MAP3K7: variants seen among roughly 807,000 people sequenced by gnomAD.
MAP3K7 encodes TGF-beta activated kinase 1.
MAP3K7 carries 21 observed loss-of-function variants against 84.8 expected under a neutral mutation model. The observed-to-expected ratio is 0.25, with a 90% confidence interval of 0.18 to 0.36. MAP3K7 has a LOEUF of 0.36. MAP3K7 is among the 10% of genes least tolerant of loss of function. MAP3K7 has a pLI of 1.00. For synonymous variants in MAP3K7, 241 were observed against 247.7 expected, an observed-to-expected ratio of 0.97 and a Z score of 0.25; for missense variants, 503 against 747.7, an observed-to-expected ratio of 0.67 and a Z score of 3.82.
Position 90,516,419 on chromosome 6 carries a change from A to G in MAP3K7, c.*82T>C. On this transcript the variant is annotated 3_prime_UTR_variant, in exon 17 of 17. Transcript: ENST00000369329. Reference sequence around the variant, plus strand: ...AGAACACGCCAAAAAGCTAACACTCATGAATCGTCATTATAAGGTTTTCCT... The same window carrying G: ...AGAACACGCCAAAAAGCTAACACTCGTGAATCGTCATTATAAGGTTTTCCT... 7.0e-7 allele frequency: 1 copy of G among 1,431,546 alleles called. No individual in the cohort carries two copies. Among genetic ancestry groups the G allele is most frequent in the Non-Finnish European group, 9.6e-7 (1 of 1,036,494 alleles). 88.7% of individuals were successfully genotyped at this position (1,431,546 alleles called of 1,614,324 possible).
chr6:90,585,768 T>C (rs923058962), intron 1 of MAP3K7, among the ~76,000 whole-genome samples: 18 of 152,232 alleles, frequency 1.2e-4, no homozygotes, highest in East Asian at 9.6e-4. Context: ...TCTAGTCTAA[T>C]ATTATATTCT....
At chr6:90,535,109 T>C (rs914734198) in intron 13 of MAP3K7, among the ~76,000 whole-genome samples, 2 of 148,924 alleles carry the variant, frequency 1.3e-5, no homozygotes, top group African/African-American at 4.9e-5. Context: ...ATAGATTTTA[T>C]TTATATATGT....
chr6:90,569,475 ACTT>A (rs200850193), intron 2 of MAP3K7, among the ~76,000 whole-genome samples: 9,777 of 140,716 alleles, frequency 0.069, 315 homozygotes, highest in South Asian at 0.098. Context: ...TAGATCTCAA[ACTT>A]CTTTCTTTCT....
At chr6:90,584,300 T>C (rs1036473821) in intron 1 of MAP3K7, among the ~76,000 whole-genome samples, 10 of 152,174 alleles carry the variant, frequency 6.6e-5, no homozygotes, top group African/African-American at 2.2e-4. Context: ...GTTTAATGTA[T>C]GCAAATGAAG....
In MAP3K7 at chr6:90,569,476, CTTCTTTCT is replaced by C. The variant is rs148676852; in HGVS notation, c.232-861_232-854del. ...CACTTCTCTTATTCTAGATCTCAAA[CTTCTTTCT>C]TTCTTTCTTTCTTTTGAGACAGGTT... On this transcript the variant is annotated intron_variant, in intron 2 of 16. Coordinates refer to ENST00000369329, the MANE Select transcript of MAP3K7 (RefSeq NM_145331.3). 8.3e-3 allele frequency among the ~76,000 whole-genome samples: 1,140 copies of C among 137,098 alleles called. 8 individuals are homozygous for C. Among genetic ancestry groups the C allele is most frequent in the Non-Finnish European group, 0.012 (736 of 60,920 alleles). The allele number at this position is 137,098 out of a possible 152,430, so 89.9% of individuals were successfully genotyped here.
At chr6:90,551,093 T>G (rs1443939241) in intron 8 of MAP3K7, 4 of 152,554 alleles carry the variant, frequency 2.6e-5, no homozygotes. Context: ...CTGCAATAAC[T>G]TATATATCCT....
rs763853268 is a variant in MAP3K7, at chr6:90,556,546, G to A, written c.561C>T (p.Thr187=). ...GTACDIQTHM[T]NNKGSAAWMA... ...TCCAAGCAGCACTCCCCTTGTTATT[G>A]GTCATGTGTGTCTGAATGTCACAGG... is the stretch of plus-strand genomic sequence containing the variant. The change falls in exon 6 of 17, where the codon ACC becomes ACT. Residue 187 remains threonine (T), a synonymous_variant. Coordinates refer to ENST00000369329, the MANE Select transcript of MAP3K7 (RefSeq NM_145331.3). 11 of 1,613,362 alleles carry A rather than the reference G, an allele frequency of 6.8e-6. No homozygotes were observed. The highest frequency in any genetic ancestry group is 2.5e-6 in the Non-Finnish European group (3 of 1,179,676).
At position 90,547,693 on chromosome 6, in the gene MAP3K7, A is replaced by T. The variant is rs549258457; in HGVS notation, c.1081-306T>A. ...ATTTTTAAAAATCAACAATGGCAAAAATATAATAAATCTGAACAGCATGAA... is the reference window on the plus strand; with the variant it reads ...ATTTTTAAAAATCAACAATGGCAAATATATAATAAATCTGAACAGCATGAA... On this transcript the variant is annotated intron_variant, in intron 10 of 16. Coordinates refer to ENST00000369329, the MANE Select transcript of MAP3K7 (RefSeq NM_145331.3). 5.3e-5 allele frequency among the ~76,000 whole-genome samples: 8 copies of T among 152,318 alleles called. No homozygotes were observed. In the South Asian group the frequency reaches 1.4e-3, roughly 28 times the overall value.
In MAP3K7 at chr6:90,516,324, T is replaced by A. The variant is rs9451441; in HGVS notation, c.*177A>T. ...ATGTTATGCAATGAAACAGTAAAATTGTATGTCCACCATGAGAAAAGGAAA... is the reference window on the plus strand; with the variant it reads ...ATGTTATGCAATGAAACAGTAAAATAGTATGTCCACCATGAGAAAAGGAAA... On this transcript the variant is annotated 3_prime_UTR_variant, in exon 17 of 17. Coordinates refer to ENST00000369329, the MANE Select transcript of MAP3K7 (RefSeq NM_145331.3). 9.1e-3 allele frequency: 5,862 copies of A among 646,672 alleles called. 46 individuals carry two copies. The highest frequency in any genetic ancestry group is 0.021 in the South Asian group (1,061 of 51,422). The allele number at this position is 646,672 out of a possible 1,614,324, so 40.1% of individuals were successfully genotyped here. A position where few individuals can be genotyped will look rare whatever the true frequency, so the allele number is the denominator to read the frequency against.
Position 90,523,732 on chromosome 6 carries a change from G to T in MAP3K7, c.1408C>A (p.Pro470Thr), listed in dbSNP as rs1003317029. The T allele has an allele frequency of 1.4e-5, 23 of 1,613,258 alleles. No homozygotes were observed. The highest frequency in any genetic ancestry group is 1.7e-5 in the Non-Finnish European group (20 of 1,179,596). Residue 470 changes from proline to threonine, a missense_variant, in exon 14 of 17, where the codon CCA becomes ACA. Transcript: ENST00000369329. ...PSVRMITTSG[P>T]TSEKPTRSHP... ...CTTCGAGTTGGCTTTTCTGAGGTTG[G>T]TCCTGAGGTAGTAATCATTCTGACA...
chr6:90,562,722 G>A (rs1776566955), intron 3 of MAP3K7, among the ~76,000 whole-genome samples: 1 of 152,204 alleles, frequency 6.6e-6, no homozygotes, highest in African/African-American at 2.4e-5. Context: ...TTTGAAGAGA[G>A]CAGTGATTCT....
At chr6:90,578,488 T>G (rs1582243745) in intron 1 of MAP3K7, among the ~76,000 whole-genome samples, 1 of 152,314 alleles carries the variant, frequency 6.6e-6, no homozygotes, top group East Asian at 1.9e-4. Context: ...TTGTCCAGGC[T>G]GGTCTTGAAC....
chr6:90,516,446 T>C lies in MAP3K7; in HGVS notation c.*55A>G. 1 of 1,565,690 alleles carries C rather than the reference T, an allele frequency of 6.4e-7. No homozygotes were observed. The highest frequency in any genetic ancestry group is 8.7e-7 in the Non-Finnish European group (1 of 1,152,068). On this transcript the variant is annotated 3_prime_UTR_variant, in exon 17 of 17. Coordinates refer to ENST00000369329, the MANE Select transcript of MAP3K7 (RefSeq NM_145331.3). ...GAATCGTCATTATAAGGTTTTCCTT[T>C]CCTTAAAAAAAAAGTCTTTCTTTGC...
intron 13 of MAP3K7, among the ~76,000 whole-genome samples, chr6:90,529,138 A>G (rs571109680): frequency 4.6e-5 from 7 of 152,310 alleles, no homozygotes; most frequent in African/African-American, 1.7e-4. Flanking sequence ...TACTGAATCA[A>G]TTCTGAAATT....
intron 1 of MAP3K7, among the ~76,000 whole-genome samples, chr6:90,584,414 AC>A (rs1429250050): frequency 5.3e-5 from 8 of 152,314 alleles, no homozygotes; most frequent in Admixed American, 3.3e-4. Flanking sequence ...AATAAAACAA[AC>A]AAAAAACCCA....
At position 90,569,135 on chromosome 6, in the gene MAP3K7, T is replaced by C. The variant is rs534061099; in HGVS notation, c.232-512A>G. 5.3e-5 allele frequency among the ~76,000 whole-genome samples: 8 copies of C among 152,316 alleles called. No homozygotes were observed. In the South Asian group the frequency reaches 1.7e-3, roughly 32 times the overall value. The stretch of plus-strand genomic sequence containing the variant: ...CAACTCCGCAAGGTAGGTATTATCA[T>C]TTCCATTTTAAAGATGAGATTTTAA... On this transcript the variant is annotated intron_variant, in intron 2 of 16. Coordinates refer to ENST00000369329, the MANE Select transcript of MAP3K7 (RefSeq NM_145331.3).
intron 13 of MAP3K7, among the ~76,000 whole-genome samples, chr6:90,530,904 G>A (rs1775487152): frequency 6.6e-6 from 1 of 152,096 alleles, no homozygotes; most frequent in Non-Finnish European, 1.5e-5. Context: ...AAAATTCTGA[G>A]GGTCACAAAT....
At chr6:90,544,528 A>G (rs989007202) in intron 12 of MAP3K7, 24 bp downstream of exon 12, 1 of 1,601,700 alleles carries the variant, frequency 6.2e-7, no homozygotes, top group East Asian at 2.2e-5. Context: ...CAGCTATTAG[A>G]CCAACTCAGG....
At chr6:90,574,546 C>T (rs530913091) in intron 1 of MAP3K7, among the ~76,000 whole-genome samples, 9 of 152,270 alleles carry the variant, frequency 5.9e-5, no homozygotes, top group South Asian at 4.1e-4. Flanking sequence ...CTATTAAATA[C>T]GAAATGATTA....
Sources: gnomAD v4.1 joint callset for allele counts (sites outside exome capture counted in the v4.1 genomes callset) on GRCh38, gnomAD v4.1.1 for gene constraint, MANE v1.5 for transcripts, NCBI Gene and HGNC (gene_info 2026-07-23, HGNC 2026-07-21) for gene names.